The following GATAD2A variants were observed in gnomAD, a reference collection of about 807,000 sequenced individuals.
GATAD2A encodes the protein GATA zinc finger domain containing 2A.
A neutral mutation model predicts 68.5 loss-of-function variants in GATAD2A; 12 were observed. The ratio of observed to expected loss-of-function variants is 0.18; its 90% CI spans 0.11 to 0.28. GATAD2A has a LOEUF of 0.28. Ranked by LOEUF, GATAD2A falls within the 10% of genes least tolerant of loss-of-function variation. The pLI is 1.00. For missense variants in GATAD2A, 755 were observed against 868.5 expected (o/e 0.87, Z 1.64); for synonymous variants, 410 against 375.3 (o/e 1.09, Z -1.07).
intron 1 of GATAD2A, among the ~76,000 whole-genome samples, chr19:19,437,568 A>G (rs994655168): frequency 2.0e-5 from 3 of 152,338 alleles, no homozygotes; most frequent in Middle Eastern, 3.4e-3. Flanking sequence ...AGGAAACAGC[A>G]TACTCATTAG....
intron 2 of GATAD2A, among the ~76,000 whole-genome samples, chr19:19,466,408 G>A (rs1052966201): frequency 8.5e-5 from 13 of 152,166 alleles, no homozygotes; most frequent in Non-Finnish European, 1.5e-4. Context: ...CTGGCCCTCT[G>A]ACAAACTCCT....
chr19:19,497,199 G>A (rs1173698527), intron 7 of GATAD2A, among the ~76,000 whole-genome samples: 2 of 152,192 alleles, frequency 1.3e-5, no homozygotes, highest in East Asian at 3.9e-4. Flanking sequence ...TCTCCCAGGA[G>A]ATACTCCTGC....
chr19:19,397,304 G>T (rs764964773), intron 1 of GATAD2A, among the ~76,000 whole-genome samples: 6 of 150,494 alleles, frequency 4.0e-5, no homozygotes, highest in Non-Finnish European at 8.9e-5. Flanking sequence ...GTGCAATGGC[G>T]TGATCTCAGC....
At position 19,494,250 on chromosome 19, in the gene GATAD2A, C is replaced by T. The variant is rs185455896; in HGVS notation, c.535-44C>T. The T allele has an allele frequency of 2.9e-4, 326 of 1,141,856 alleles. 1 individual carries two copies. Among genetic ancestry groups the T allele is most frequent in the Middle Eastern group, 1.6e-3 (8 of 5,052 alleles). The allele number at this position is 1,141,856 out of a possible 1,614,324, so 70.7% of individuals were successfully genotyped here. On this transcript the variant is annotated intron_variant, in intron 4 of 11. Transcript: ENST00000683918. ...GGCAACTCCGTGTGAGGAGAGGGAC[C>T]GGCCCGGTGGCCCCTCACCTCCTGG... is the stretch of plus-strand genomic sequence containing the variant.
At chr19:19,477,886 C>A (rs2058780364) in intron 2 of GATAD2A, among the ~76,000 whole-genome samples, 1 of 152,176 alleles carries the variant, frequency 6.6e-6, no homozygotes, top group African/African-American at 2.4e-5. Flanking sequence ...CCTGGCCAGC[C>A]ATGTTCCTGT....
At chr19:19,481,817 A>G (rs1465123188) in intron 2 of GATAD2A, among the ~76,000 whole-genome samples, 1 of 152,210 alleles carries the variant, frequency 6.6e-6, no homozygotes, top group Non-Finnish European at 1.5e-5. Context: ...TCCAAAAATG[A>G]CATAGTGGGG....
intron 1 of GATAD2A, among the ~76,000 whole-genome samples, chr19:19,389,060 A>C (rs1051848988): frequency 2.2e-4 from 34 of 151,968 alleles, no homozygotes; most frequent in Admixed American, 2.2e-3. Flanking sequence ...GGCGTTTACA[A>C]ATCTCATATG....
chr19:19,503,672 G>GTT (rs58161113), intron 11 of GATAD2A, among the ~76,000 whole-genome samples: 1 of 150,064 alleles, frequency 6.7e-6, no homozygotes, highest in East Asian at 1.9e-4. Context: ...GTGTGTGTGT[G>GTT]TTTAAAGTTT....
intron 1 of GATAD2A, among the ~76,000 whole-genome samples, chr19:19,415,658 A>C (rs2051528220): frequency 7.9e-6 from 1 of 125,868 alleles, no homozygotes; most frequent in Non-Finnish European, 1.6e-5. Context: ...TCACTTTGTC[A>C]CCAGGCTGGA....
At chr19:19,456,711 G>A (rs754847663) in intron 1 of GATAD2A, among the ~76,000 whole-genome samples, 1 of 152,182 alleles carries the variant, frequency 6.6e-6, no homozygotes. Flanking sequence ...CAGTAAAGTC[G>A]TAATCACTTA....
chr19:19,391,146 G>C (rs2048818127), intron 1 of GATAD2A, among the ~76,000 whole-genome samples: 1 of 152,154 alleles, frequency 6.6e-6, no homozygotes, highest in Admixed American at 6.5e-5. Flanking sequence ...TGGTGAATTA[G>C]GCCCAGCCTT....
intron 1 of GATAD2A, among the ~76,000 whole-genome samples, chr19:19,430,005 A>G (rs532491557): frequency 2.6e-5 from 4 of 151,844 alleles, no homozygotes; most frequent in South Asian, 4.2e-4. Flanking sequence ...GGCTAGGGCT[A>G]CCTCTGTCTT....
At chr19:19,475,944 ACATGAGGGCCGTAG>A (rs1805616218) in intron 2 of GATAD2A, among the ~76,000 whole-genome samples, 2 of 152,184 alleles carry the variant, frequency 1.3e-5, no homozygotes, top group Admixed American at 1.3e-4. Context: ...TCCTCAGCTC[ACATGAGGGCCGTAG>A]CATGAGCCGG....
intron 1 of GATAD2A, chr19:19,440,541 A>G: frequency 5.4e-6 from 1 of 185,442 alleles, no homozygotes; most frequent in Non-Finnish European, 1.1e-5. Flanking sequence ...AACAAGTGTG[A>G]GCCACCGTGC....
At chr19:19,441,111 C>T (rs545123089) in intron 1 of GATAD2A, among the ~76,000 whole-genome samples, 8 of 149,990 alleles carry the variant, frequency 5.3e-5, no homozygotes, top group South Asian at 4.3e-4. Context: ...GGTGCGATCT[C>T]GGCTCACTGC....
At chr19:19,502,833 G>GCA (rs2060627800) in intron 11 of GATAD2A, among the ~76,000 whole-genome samples, 1 of 152,254 alleles carries the variant, frequency 6.6e-6, no homozygotes, top group Non-Finnish European at 1.5e-5. Flanking sequence ...ACTCTTGTCA[G>GCA]CACACACCCC....
At chr19:19,416,983 AACTTCTG>A in intron 1 of GATAD2A, among the ~76,000 whole-genome samples, 1 of 152,128 alleles carries the variant, frequency 6.6e-6, no homozygotes, top group East Asian at 1.9e-4. Flanking sequence ...GCTGGTCTCG[AACTTCTG>A]ACCTCTGGTA....
In GATAD2A at chr19:19,440,280, A is replaced by T. The variant is rs61099215; in HGVS notation, c.-6-25060A>T. ...ATTTATTTTTTATTTTTATTTATTT[A>T]TTTTTTTTGAGATGGAGTCTTGCTC... On this transcript the variant is annotated intron_variant, in intron 1 of 11. Coordinates refer to ENST00000683918, the MANE Select transcript of GATAD2A (RefSeq NM_001384528.1). The T allele has an allele frequency of 4.0e-3, 932 of 232,928 alleles. 8 individuals carry two copies. The highest frequency in any genetic ancestry group is 0.021 in the African/African-American group (887 of 41,920). 14.4% of individuals were successfully genotyped at this position (232,928 alleles called of 1,614,324 possible). A position where few individuals can be genotyped will look rare whatever the true frequency, so the allele number is the denominator to read the frequency against.
intron 8 of GATAD2A, among the ~76,000 whole-genome samples, chr19:19,499,716 T>A (rs565958307): frequency 6.6e-6 from 1 of 151,988 alleles, no homozygotes; most frequent in South Asian, 2.1e-4. Flanking sequence ...TGCGTGGGGC[T>A]GGGCCTGGCG....
Sources: gnomAD v4.1 joint callset for allele counts (sites outside exome capture counted in the v4.1 genomes callset) on GRCh38, gnomAD v4.1.1 for gene constraint, MANE v1.5 for transcripts, NCBI Gene and HGNC (gene_info 2026-07-23, HGNC 2026-07-21) for gene names.